CNTNAP5: variants seen among roughly 807,000 people sequenced by gnomAD.
CNTNAP5 encodes the protein contactin associated protein family member 5, also known as contactin-associated protein-like 5.
A neutral mutation model predicts 150.2 loss-of-function variants in CNTNAP5; 72 were observed. The ratio of observed to expected loss-of-function variants is 0.48; its 90% confidence interval spans 0.40 to 0.58. CNTNAP5 has a LOEUF of 0.58. CNTNAP5 is among the 20% of genes least tolerant of loss of function. The pLI is 0.00. For synonymous variants in CNTNAP5, 672 were observed against 619.8 expected (o/e 1.08, Z -1.25); for missense variants, 1,636 against 1,626.2 (o/e 1.01, Z -0.10).
intron 18 of CNTNAP5, among the ~76,000 whole-genome samples, chr2:124,794,412 A>G (rs1052478633): frequency 6.6e-6 from 1 of 152,252 alleles, no homozygotes; most frequent in African/African-American, 2.4e-5. Flanking sequence ...AGCCCACAGC[A>G]TGTAAAGTCT....
intron 12 of CNTNAP5, among the ~76,000 whole-genome samples, chr2:124,646,341 A>G (rs1298380554): frequency 6.6e-6 from 1 of 152,150 alleles, no homozygotes; most frequent in African/African-American, 2.4e-5. Flanking sequence ...AGCTGTGCTA[A>G]TTAATCGTGG....
At position 124,471,380 on chromosome 2, in the gene CNTNAP5, T is replaced by G. The variant is rs1236334075; in HGVS notation, c.919-3359T>G. On this transcript the variant is annotated intron_variant, in intron 6 of 23. Coordinates refer to ENST00000682447, the MANE Select transcript of CNTNAP5 (RefSeq NM_001367498.1). ...TGGCTCTTGGCTTGCCTGTTGTTGG[T>G]GTATAGGAATGCTAGTGATTTGTGT... Among the ~76,000 whole-genome samples, 4 of 152,302 alleles carry G rather than the reference T, an allele frequency of 2.6e-5. No homozygotes were observed. In the East Asian group the frequency reaches 5.8e-4, roughly 22 times the overall value.
At position 124,040,129 on chromosome 2, in the gene CNTNAP5, C is replaced by T. The variant is rs115925872; in HGVS notation, c.82+14397C>T. Reference sequence around the variant, plus strand: ...TGTTGGGAGGTGTGCAGACATGCTCCACCGTGTCTGCTTGTTTCAGGGTGG... The same window carrying T: ...TGTTGGGAGGTGTGCAGACATGCTCTACCGTGTCTGCTTGTTTCAGGGTGG... On this transcript the variant is annotated intron_variant, in intron 1 of 23. Coordinates refer to ENST00000682447, the MANE Select transcript of CNTNAP5 (RefSeq NM_001367498.1). 6.9e-3 allele frequency among the ~76,000 whole-genome samples: 1,054 copies of T among 152,226 alleles called. 4 individuals are homozygous for T. The highest frequency in any genetic ancestry group is 0.01 in the Non-Finnish European group (692 of 68,006).
At chr2:124,661,189 C>G (rs912808823) in intron 13 of CNTNAP5, among the ~76,000 whole-genome samples, 8 of 152,048 alleles carry the variant, frequency 5.3e-5, no homozygotes, top group Admixed American at 1.3e-4. Flanking sequence ...CATTAATTTA[C>G]TGAAACTTTT....
At chr2:124,591,360 T>A (rs1022304992) in intron 11 of CNTNAP5, among the ~76,000 whole-genome samples, 5 of 152,310 alleles carry the variant, frequency 3.3e-5, no homozygotes, top group African/African-American at 1.2e-4. Flanking sequence ...GTAATCTCTG[T>A]CTTGAGCTTT....
At chr2:124,653,273 T>C (rs1197021773) in intron 13 of CNTNAP5, among the ~76,000 whole-genome samples, 1 of 152,182 alleles carries the variant, frequency 6.6e-6, no homozygotes, top group Non-Finnish European at 1.5e-5. Flanking sequence ...TTTAAAATTC[T>C]GAATTTTTTC....
intron 17 of CNTNAP5, among the ~76,000 whole-genome samples, chr2:124,776,587 C>G (rs1376089461): frequency 6.6e-6 from 1 of 152,172 alleles, no homozygotes. Context: ...ACTTAGGTAA[C>G]TGGCCTCAGT....
At chr2:124,138,836 C>T (rs1684037983) in intron 1 of CNTNAP5, among the ~76,000 whole-genome samples, 2 of 151,274 alleles carry the variant, frequency 1.3e-5, no homozygotes, top group South Asian at 4.3e-4. Flanking sequence ...CACACACACA[C>T]ACCACATATC....
At chr2:124,049,766 G>A (rs1681640624) in intron 1 of CNTNAP5, among the ~76,000 whole-genome samples, 1 of 152,152 alleles carries the variant, frequency 6.6e-6, no homozygotes, top group Non-Finnish European at 1.5e-5. Flanking sequence ...TAGCCTAGGT[G>A]ATTTATATAC....
At chr2:124,563,155 C>T in intron 10 of CNTNAP5, 62 bp from the exon 11 acceptor site, 3 of 1,083,994 alleles carry the variant, frequency 2.8e-6, no homozygotes, top group Non-Finnish European at 4.1e-6. Context: ...GACATTTTTG[C>T]TTTCCCCTTT....
intron 3 of CNTNAP5, among the ~76,000 whole-genome samples, chr2:124,253,636 G>C (rs1171938413): frequency 1.3e-5 from 2 of 152,116 alleles, no homozygotes; most frequent in Non-Finnish European, 2.9e-5. Context: ...TGACTTGTGT[G>C]ATTTCCTTAT....
chr2:124,363,632 G>T (rs1312179140), intron 3 of CNTNAP5, among the ~76,000 whole-genome samples: 1 of 152,124 alleles, frequency 6.6e-6, no homozygotes, highest in Non-Finnish European at 1.5e-5. Context: ...GTACAGCATA[G>T]TTCCTATATC....
At chr2:124,275,967 C>T (rs985564437) in intron 3 of CNTNAP5, among the ~76,000 whole-genome samples, 1 of 152,124 alleles carries the variant, frequency 6.6e-6, no homozygotes, top group African/African-American at 2.4e-5. Context: ...ATGGAACTGT[C>T]TAATGTCTGC....
chr2:124,327,721 C>A (rs1415326193), intron 3 of CNTNAP5, among the ~76,000 whole-genome samples: 2 of 152,074 alleles, frequency 1.3e-5, no homozygotes, highest in Non-Finnish European at 2.9e-5. Context: ...ACTGGAAGGC[C>A]CCTTCCCCTT....
chr2:124,602,424 A>G (rs1697008381), intron 11 of CNTNAP5, among the ~76,000 whole-genome samples: 1 of 151,402 alleles, frequency 6.6e-6, no homozygotes, highest in African/African-American at 2.4e-5. Context: ...ACAGTTATCA[A>G]TATTCTCTCA....
Position 124,838,380 on chromosome 2 carries a change from G to A in CNTNAP5, c.3218-26926G>A, listed in dbSNP as rs1271761475. Among the ~76,000 whole-genome samples the A allele has an allele frequency of 2.0e-4, 31 of 151,996 alleles. 1 individual carries two copies. Among genetic ancestry groups the A allele is most frequent in the Admixed American group, 2.0e-3 (31 of 15,240 alleles). ...TAGCTCTTAAACACGATTCTGGCCT[G>A]CCTCTCAAAAAACATGTTGATGGGC... On this transcript the variant is annotated intron_variant, in intron 19 of 23. Coordinates refer to ENST00000682447, the MANE Select transcript of CNTNAP5 (RefSeq NM_001367498.1).
chr2:124,427,466 A>C (rs1048399554), intron 4 of CNTNAP5, among the ~76,000 whole-genome samples: 5 of 151,598 alleles, frequency 3.3e-5, no homozygotes, highest in East Asian at 1.9e-4. Flanking sequence ...TTATTTATTT[A>C]TTTATTTTGA....
chr2:124,347,226 C>T (rs1215447231), intron 3 of CNTNAP5, among the ~76,000 whole-genome samples: 2 of 152,182 alleles, frequency 1.3e-5, no homozygotes, highest in Non-Finnish European at 2.9e-5. Flanking sequence ...TTATTAACTG[C>T]CTGGTCCTGA....
chr2:124,859,367 T>C (rs1430517443), intron 19 of CNTNAP5, among the ~76,000 whole-genome samples: 1 of 152,208 alleles, frequency 6.6e-6, no homozygotes, highest in African/African-American at 2.4e-5. Flanking sequence ...AGATACCATC[T>C]CATACCAGTT....
Sources: allele counts gnomAD v4.1 joint callset (sites outside exome capture counted in the v4.1 genomes callset), GRCh38; gene constraint gnomAD v4.1.1; transcripts MANE v1.5; gene names NCBI Gene and HGNC (gene_info 2026-07-23, HGNC 2026-07-21).